ROBO1: variants seen among roughly 807,000 people sequenced by gnomAD.
ROBO1 encodes roundabout homolog 1.
A neutral mutation model predicts 195.9 loss-of-function variants in ROBO1; 149 were observed. The ratio of observed to expected loss-of-function variants is 0.76; its 90% CI spans 0.67 to 0.87. The LOEUF is 0.87. Among genes scored for constraint, ROBO1 ranks in the 40% least tolerant of loss-of-function variants. The pLI is 0.00. For synonymous variants in ROBO1, 816 were observed against 733.2 expected (o/e 1.11, Z -1.82); for missense variants, 1,933 against 2,068.3 (o/e 0.93, Z 1.27).
chr3:79,262,484 G>GAAAAGAA (rs2082958783), intron 2 of ROBO1, among the ~76,000 whole-genome samples: 1 of 152,096 alleles, frequency 6.6e-6, no homozygotes, highest in Non-Finnish European at 1.5e-5. Context: ...GTTGTTTTAA[G>GAAAAGAA]ACTTTTGATA....
At chr3:78,758,294 G>A (rs2082992103) in intron 4 of ROBO1, among the ~76,000 whole-genome samples, 1 of 152,138 alleles carries the variant, frequency 6.6e-6, no homozygotes, top group African/African-American at 2.4e-5. Flanking sequence ...CGAGGCAGGA[G>A]GACTGCCTGC....
intron 3 of ROBO1, among the ~76,000 whole-genome samples, chr3:78,988,666 C>A (rs1244448069): frequency 6.6e-6 from 1 of 152,178 alleles, no homozygotes; most frequent in African/African-American, 2.4e-5. Flanking sequence ...AAGTAATTCA[C>A]AACTCTAAAA....
intron 3 of ROBO1, among the ~76,000 whole-genome samples, chr3:78,973,301 G>C (rs1430934957): frequency 6.6e-6 from 1 of 150,462 alleles, no homozygotes; most frequent in Non-Finnish European, 1.5e-5. Flanking sequence ...TTATCTCCTT[G>C]TCTTCCATTA....
intron 3 of ROBO1, among the ~76,000 whole-genome samples, chr3:78,951,935 C>A (rs2040813401): frequency 6.6e-6 from 1 of 151,940 alleles, no homozygotes; most frequent in Non-Finnish European, 1.5e-5. Context: ...TGTTACTATT[C>A]TGTTGAGGTA....
At chr3:79,067,158 T>C (rs373342554) in intron 3 of ROBO1, among the ~76,000 whole-genome samples, 4 of 152,096 alleles carry the variant, frequency 2.6e-5, no homozygotes, top group Middle Eastern at 3.4e-3. Context: ...CTGAAGTTTT[T>C]CCAATTACAA....
intron 2 of ROBO1, among the ~76,000 whole-genome samples, chr3:79,298,904 C>A (rs919011662): frequency 5.3e-5 from 8 of 151,866 alleles, no homozygotes; most frequent in Non-Finnish European, 1.0e-4. Context: ...CCTGTCACTG[C>A]CAAAATGTCT....
At chr3:79,240,029 T>G (rs2082483266) in intron 2 of ROBO1, among the ~76,000 whole-genome samples, 1 of 152,200 alleles carries the variant, frequency 6.6e-6, no homozygotes, top group Non-Finnish European at 1.5e-5. Flanking sequence ...TTACCTCATA[T>G]ACACATCATT....
intron 2 of ROBO1, among the ~76,000 whole-genome samples, chr3:79,514,167 A>G (rs927028052): frequency 6.6e-6 from 1 of 152,228 alleles, no homozygotes; most frequent in African/African-American, 2.4e-5. Flanking sequence ...GGAATAAGGC[A>G]GGTTGAAGCT....
chr3:78,640,177 T>C (rs1705851819), intron 21 of ROBO1, among the ~76,000 whole-genome samples: 1 of 152,214 alleles, frequency 6.6e-6, no homozygotes, highest in Non-Finnish European at 1.5e-5. Flanking sequence ...CCTTTAGTCA[T>C]AATGGTTAAA....
intron 3 of ROBO1, among the ~76,000 whole-genome samples, chr3:79,022,561 T>G (rs537289735): frequency 1.3e-5 from 2 of 152,296 alleles, no homozygotes; most frequent in South Asian, 4.1e-4. Flanking sequence ...TGTGCAAGTG[T>G]GAGTGTACAC....
At chr3:79,519,163 G>A (rs1372349659) in intron 2 of ROBO1, among the ~76,000 whole-genome samples, 3 of 152,152 alleles carry the variant, frequency 2.0e-5, no homozygotes, top group Non-Finnish European at 4.4e-5. Context: ...CCAAGAGCAA[G>A]AAGCATGCTA....
chr3:79,678,767 G>A (rs1226339887), intron 1 of ROBO1, among the ~76,000 whole-genome samples: 1 of 152,026 alleles, frequency 6.6e-6, no homozygotes, highest in East Asian at 1.9e-4. Flanking sequence ...AGCACGGATT[G>A]CCAGCAATTA....
At position 78,714,426 on chromosome 3, in the gene ROBO1, G is replaced by C; in HGVS notation, c.1016C>G (p.Ala339Gly). 1 of 1,613,140 alleles carries C rather than the reference G, an allele frequency of 6.2e-7. No homozygotes were observed. The highest frequency in any genetic ancestry group is 8.5e-7 in the Non-Finnish European group (1 of 1,179,452). Residue 339 changes from alanine (A) to glycine (G), a missense_variant, in exon 8 of 31, where the codon GCT (alanine) becomes GGT (glycine). Physicochemically the swap from Ala to Gly is moderately conservative, Grantham distance 60. Around this residue, in one of 3 missense-constraint regions of ROBO1, gnomAD observed 1,737 missense variants for 1,882.5 expected, o/e 0.92. Coordinates refer to ENST00000464233, the MANE Select transcript of ROBO1 (RefSeq NM_002941.4). ...TCVAENMVGK[A>G]EASATLTVQE... ...AACAGTCAGAGTAGCAGATGCTTCA[G>C]CTTTGCCCACCATATTTTCTGCAAC...
At chr3:79,613,247 G>T (rs1052440787) in intron 1 of ROBO1, among the ~76,000 whole-genome samples, 3 of 151,972 alleles carry the variant, frequency 2.0e-5, no homozygotes, top group East Asian at 3.9e-4. Context: ...ATTTTATAGG[G>T]TTAACATTGT....
chr3:79,187,972 A>T (rs1480041779), intron 2 of ROBO1, among the ~76,000 whole-genome samples: 1 of 151,910 alleles, frequency 6.6e-6, no homozygotes, highest in African/African-American at 2.4e-5. Context: ...CACTGAGCTA[A>T]AGGTCTATTC....
chr3:79,627,720 A>C (rs1426837357), intron 1 of ROBO1, among the ~76,000 whole-genome samples: 1 of 152,216 alleles, frequency 6.6e-6, no homozygotes, highest in Non-Finnish European at 1.5e-5. Flanking sequence ...GGCAACCTAC[A>C]GAATAGGAGA....
chr3:78,951,613 A>C (rs572825647), intron 3 of ROBO1, among the ~76,000 whole-genome samples: 3 of 152,258 alleles, frequency 2.0e-5, no homozygotes, highest in Admixed American at 6.5e-5. Context: ...CCTCTGCAAG[A>C]ATCCTGGTAG....
intron 3 of ROBO1, among the ~76,000 whole-genome samples, chr3:79,030,860 T>A (rs1050111869): frequency 6.6e-6 from 1 of 152,128 alleles, no homozygotes; most frequent in African/African-American, 2.4e-5. Flanking sequence ...TAGCTGGGAT[T>A]ACAGGCACGC....
At chr3:78,642,095 T>G (rs1706000650) in intron 21 of ROBO1, among the ~76,000 whole-genome samples, 1 of 152,110 alleles carries the variant, frequency 6.6e-6, no homozygotes. Flanking sequence ...CCCTTATATA[T>G]TCGAGCTTAA....
Sources: allele counts gnomAD v4.1 joint callset (sites outside exome capture counted in the v4.1 genomes callset), GRCh38; gene constraint gnomAD v4.1.1; regional missense constraint gnomAD v4.1.1; transcripts MANE v1.5; gene names NCBI Gene and HGNC (gene_info 2026-07-23, HGNC 2026-07-21).